GALNT13: variants seen among roughly 807,000 people sequenced by gnomAD.
GALNT13 encodes the protein polypeptide N-acetylgalactosaminyltransferase 13, also known as UDP-GalNAc:polypeptide N-acetylgalactosaminyltransferase 13.
GALNT13 carries 28 observed loss-of-function variants against 64.2 expected under a neutral mutation model. The ratio of observed to expected loss-of-function variants is 0.44; its 90% CI spans 0.32 to 0.60. The LOEUF (loss-of-function observed/expected upper bound fraction) is 0.60, where lower values mean the gene tolerates loss of function less well. GALNT13 is among the 20% of genes least tolerant of loss of function. The pLI, the probability that GALNT13 is intolerant of heterozygous loss-of-function variation, is 0.05. For synonymous variants in GALNT13, 214 were observed against 224.6 expected, an observed-to-expected ratio of 0.95 and a Z score of 0.42; for missense variants, 577 against 669.8, an observed-to-expected ratio of 0.86 and a Z score of 1.53.
chr2:153,695,467 A>G, the GALNT13 span, among the ~76,000 whole-genome samples: 1 of 152,186 alleles, frequency 6.6e-6, no homozygotes, highest in Admixed American at 6.5e-5. Context: ...CAGGTCTACA[A>G]CAAGCTCTAA....
intron 9 of GALNT13, among the ~76,000 whole-genome samples, chr2:154,354,847 G>A (rs1009759902): frequency 6.6e-6 from 1 of 151,960 alleles, no homozygotes; most frequent in Non-Finnish European, 1.5e-5. Context: ...GTTTCTCACA[G>A]CAGTTCTCTC....
At chr2:153,727,919 C>T in the GALNT13 span, among the ~76,000 whole-genome samples, 1 of 152,104 alleles carries the variant, frequency 6.6e-6, no homozygotes, top group Admixed American at 6.6e-5. Flanking sequence ...TGACAGGTCC[C>T]TGGTGTGATG....
At chr2:153,497,494 C>A in the GALNT13 span, among the ~76,000 whole-genome samples, 67,219 of 125,450 alleles carry the variant, frequency 0.54, 17,981 homozygotes, top group African/African-American at 0.74. Context: ...TCATTAGCTA[C>A]TTTTTATTTT....
At chr2:153,107,336 C>A in the GALNT13 span, among the ~76,000 whole-genome samples, 1 of 152,090 alleles carries the variant, frequency 6.6e-6, no homozygotes, top group South Asian at 2.1e-4. Flanking sequence ...TCCAAATGGG[C>A]TAAAGGAACA....
the GALNT13 span, among the ~76,000 whole-genome samples, chr2:153,475,138 G>A: frequency 2.6e-5 from 4 of 152,120 alleles, no homozygotes; most frequent in African/African-American, 9.7e-5. Flanking sequence ...GTGGCCATCG[G>A]GGAATAGAGA....
At chr2:153,443,421 T>A in the GALNT13 span, among the ~76,000 whole-genome samples, 425 of 152,318 alleles carry the variant, frequency 2.8e-3, 2 homozygotes, top group Non-Finnish European at 3.0e-3. Context: ...GGTACCTCAG[T>A]TGGAAATGCA....
At chr2:153,863,175 G>A in the GALNT13 span, among the ~76,000 whole-genome samples, 6 of 152,100 alleles carry the variant, frequency 3.9e-5, no homozygotes, top group African/African-American at 1.4e-4. Context: ...GTACACTTAA[G>A]TTTTGTTTAG....
intron 3 of GALNT13, among the ~76,000 whole-genome samples, chr2:154,128,730 T>C (rs1682443311): frequency 6.6e-6 from 1 of 152,078 alleles, no homozygotes; most frequent in South Asian, 2.1e-4. Flanking sequence ...CCACTAGAAA[T>C]TTCCTTCATG....
At chr2:153,222,939 G>T in the GALNT13 span, among the ~76,000 whole-genome samples, 5 of 152,268 alleles carry the variant, frequency 3.3e-5, no homozygotes, top group South Asian at 1.0e-3. Context: ...AGCTGCGCGC[G>T]GAAGTGAGAG....
chr2:153,525,118 T>C, the GALNT13 span, among the ~76,000 whole-genome samples: 1 of 152,230 alleles, frequency 6.6e-6, no homozygotes, highest in Admixed American at 6.5e-5. Flanking sequence ...TCCTAACTAC[T>C]GGATGACTTT....
At chr2:154,002,211 C>T (rs555568353) in intron 3 of GALNT13, among the ~76,000 whole-genome samples, 2 of 152,042 alleles carry the variant, frequency 1.3e-5, no homozygotes, top group Non-Finnish European at 2.9e-5. Context: ...TGTTGTTATT[C>T]TCCATATTTG....
the GALNT13 span, among the ~76,000 whole-genome samples, chr2:153,829,668 G>T: frequency 8.5e-5 from 13 of 152,074 alleles, no homozygotes; most frequent in African/African-American, 2.9e-4. Flanking sequence ...ACAGTTAATT[G>T]TGTGTATCTG....
At chr2:154,152,656 C>A (rs1287596469) in intron 4 of GALNT13, among the ~76,000 whole-genome samples, 1 of 152,118 alleles carries the variant, frequency 6.6e-6, no homozygotes, top group African/African-American at 2.4e-5. Flanking sequence ...CTCTAAACTT[C>A]CCCTCTCGCT....
chr2:154,399,560 C>T (rs868035301), intron 10 of GALNT13, among the ~76,000 whole-genome samples: 2 of 152,040 alleles, frequency 1.3e-5, no homozygotes, highest in East Asian at 1.9e-4. Context: ...AGGATGAAGC[C>T]CTCATGACTT....
At chr2:154,292,597 C>T (rs1692707552) in intron 8 of GALNT13, among the ~76,000 whole-genome samples, 1 of 152,172 alleles carries the variant, frequency 6.6e-6, no homozygotes, top group Non-Finnish European at 1.5e-5. Context: ...TGAGGTCACC[C>T]AGCTAGTAAG....
At chr2:153,857,667 T>C in the GALNT13 span, among the ~76,000 whole-genome samples, 2 of 152,318 alleles carry the variant, frequency 1.3e-5, no homozygotes, top group African/African-American at 4.8e-5. Context: ...CACATATATA[T>C]TTTTTAAAAC....
chr2:154,241,032 C>G (rs1689456849), intron 4 of GALNT13, among the ~76,000 whole-genome samples: 1 of 152,150 alleles, frequency 6.6e-6, no homozygotes, highest in Non-Finnish European at 1.5e-5. Flanking sequence ...GTGCATCCCT[C>G]TCCATGTCTA....
chr2:153,884,270 T>G (rs1405959666), intron 1 of GALNT13, among the ~76,000 whole-genome samples: 1 of 150,566 alleles, frequency 6.6e-6, no homozygotes. Flanking sequence ...TTGCTTTAAT[T>G]TTTTTGAAAA....
the GALNT13 span, among the ~76,000 whole-genome samples, chr2:153,405,946 G>T: frequency 6.6e-6 from 1 of 152,134 alleles, no homozygotes; most frequent in Non-Finnish European, 1.5e-5. Context: ...GCTTCGTAGG[G>T]TTTCAGGTGT....
Sources: allele counts gnomAD v4.1 joint callset (sites outside exome capture counted in the v4.1 genomes callset), GRCh38; gene constraint gnomAD v4.1.1; transcripts MANE v1.5; gene names NCBI Gene and HGNC (gene_info 2026-07-23, HGNC 2026-07-21).